ICA1: variants seen among roughly 807,000 people sequenced by gnomAD.
ICA1 encodes 69 kDa islet cell autoantigen.
In ICA1, 40 loss-of-function variants were observed where a neutral mutation model predicts 71.0. The observed-to-expected ratio is 0.56, with a 90% CI of 0.44 to 0.73. The LOEUF (loss-of-function observed/expected upper bound fraction) is 0.73, where lower values mean the gene tolerates loss of function less well. Ranked by LOEUF, ICA1 falls within the 30% of genes least tolerant of loss-of-function variation. The pLI, the probability that ICA1 is intolerant of heterozygous loss-of-function variation, is 0.00. For synonymous variants in ICA1, 207 were observed against 209.5 expected (o/e 0.99, Z 0.10); for missense variants, 578 against 576.5 (o/e 1.00, Z -0.03).
At chr7:8,122,283 C>T (rs1434195597) in intron 13 of ICA1, among the ~76,000 whole-genome samples, 1 of 152,202 alleles carries the variant, frequency 6.6e-6, no homozygotes, top group Non-Finnish European at 1.5e-5. Context: ...GAGGTGTGGA[C>T]AGTGAGGAGA....
intron 3 of ICA1, among the ~76,000 whole-genome samples, chr7:8,230,842 A>T (rs1800050800): frequency 6.6e-6 from 1 of 152,196 alleles, no homozygotes. Flanking sequence ...TTCCAATTGC[A>T]GAAGGAAAGG....
intron 13 of ICA1, among the ~76,000 whole-genome samples, chr7:8,119,428 C>T (rs1240811632): frequency 1.3e-5 from 2 of 152,340 alleles, no homozygotes; most frequent in Middle Eastern, 3.4e-3. Context: ...GACATGAACG[C>T]ATTCCTAAGA....
intron 6 of ICA1, among the ~76,000 whole-genome samples, chr7:8,197,672 C>A (rs755929934): frequency 6.6e-6 from 1 of 150,412 alleles, no homozygotes; most frequent in Non-Finnish European, 1.5e-5. Flanking sequence ...TCTATTCAAC[C>A]CTGAAAGCCC....
At chr7:8,153,463 T>A (rs1331262259) in intron 8 of ICA1, among the ~76,000 whole-genome samples, 1 of 152,074 alleles carries the variant, frequency 6.6e-6, no homozygotes, top group African/African-American at 2.4e-5. Context: ...ATATGTGAGA[T>A]TTTCCAGGGA....
intron 6 of ICA1, among the ~76,000 whole-genome samples, chr7:8,216,291 G>A (rs950140468): frequency 6.6e-6 from 1 of 152,154 alleles, no homozygotes; most frequent in Non-Finnish European, 1.5e-5. Flanking sequence ...TTCTGTCCTT[G>A]TGGAGAGTCT....
At chr7:8,224,938 G>C (rs935669848) in intron 4 of ICA1, among the ~76,000 whole-genome samples, 1 of 152,182 alleles carries the variant, frequency 6.6e-6, no homozygotes, top group African/African-American at 2.4e-5. Flanking sequence ...GTCTTTCTTA[G>C]TGCACAGCAT....
chr7:8,141,151 A>G (rs887850), intron 10 of ICA1, among the ~76,000 whole-genome samples: 109,962 of 152,126 alleles, frequency 0.72, 40,341 homozygotes, highest in East Asian at 1. Context: ...TGAAGGACCA[A>G]TGAAAACACT....
intron 13 of ICA1, among the ~76,000 whole-genome samples, chr7:8,117,647 A>T (rs1246889887): frequency 6.6e-6 from 1 of 152,198 alleles, no homozygotes; most frequent in Non-Finnish European, 1.5e-5. Flanking sequence ...AGGATGCATC[A>T]CTGTTGGGAT....
chr7:8,180,622 C>A (rs1375032101), intron 6 of ICA1, among the ~76,000 whole-genome samples: 1 of 152,104 alleles, frequency 6.6e-6, no homozygotes, highest in Non-Finnish European at 1.5e-5. Context: ...CATGATAGTT[C>A]CTGTTCCTTC....
At chr7:8,254,085 T>A (rs946037401) in intron 1 of ICA1, among the ~76,000 whole-genome samples, 8 of 152,154 alleles carry the variant, frequency 5.3e-5, no homozygotes, top group African/African-American at 1.9e-4. Context: ...AGGAGAGAAT[T>A]TACACATCAT....
At chr7:8,179,040 T>C (rs1781421093) in intron 6 of ICA1, among the ~76,000 whole-genome samples, 1 of 152,186 alleles carries the variant, frequency 6.6e-6, no homozygotes, top group Non-Finnish European at 1.5e-5. Context: ...GGCTTGTCCA[T>C]AAAACTCTTC....
intron 1 of ICA1, among the ~76,000 whole-genome samples, chr7:8,247,015 G>C (rs1387533397): frequency 6.6e-6 from 1 of 152,076 alleles, no homozygotes; most frequent in Non-Finnish European, 1.5e-5. Flanking sequence ...CAAAGTGCTG[G>C]GATTACAGGC....
At chr7:8,147,457 C>G (rs1174580178) in intron 8 of ICA1, among the ~76,000 whole-genome samples, 1 of 152,022 alleles carries the variant, frequency 6.6e-6, no homozygotes, top group Non-Finnish European at 1.5e-5. Flanking sequence ...CCTACTATTA[C>G]TATTATTCCT....
chr7:8,199,272 A>G (rs1788731128), intron 6 of ICA1, among the ~76,000 whole-genome samples: 1 of 152,120 alleles, frequency 6.6e-6, no homozygotes, highest in Non-Finnish European at 1.5e-5. Context: ...ACATATCTGC[A>G]CTCCTGTATT....
intron 4 of ICA1, chr7:8,227,510 A>G (rs993934854): frequency 1.5e-5 from 3 of 203,990 alleles, no homozygotes; most frequent in Admixed American, 5.9e-5. Flanking sequence ...GCCCTGGAGA[A>G]GTCTTACCTC....
chr7:8,262,288 G>T (rs1244388140), upstream of ICA1: 1 of 151,950 alleles, frequency 6.6e-6, no homozygotes, highest in African/African-American at 2.4e-5. Context: ...CAGCGCAGCG[G>T]CCGGGGGGTG....
rs530402413 is a variant in ICA1 at position 8,250,542 on chromosome 7, C to T, written c.-80+11552G>A. The stretch of plus-strand genomic sequence containing the variant: ...ACAGCTTGTCCTTTTGGATTTTTGA[C>T]GTGGACACGATTACCTGAGCATTCC... On this transcript the variant is annotated intron_variant, in intron 1 of 13. Transcript: ENST00000402384. 8.5e-5 allele frequency among the ~76,000 whole-genome samples: 13 copies of T among 152,188 alleles called. No homozygotes were observed. The East Asian group carries it at 2.3e-3, about 27-fold the overall frequency.
intron 13 of ICA1, among the ~76,000 whole-genome samples, chr7:8,121,408 A>G (rs1326218536): frequency 6.6e-6 from 1 of 152,224 alleles, no homozygotes; most frequent in Non-Finnish European, 1.5e-5. Context: ...CTAGAGCAAG[A>G]GACAGAAAAT....
At chr7:8,199,029 A>G (rs1788635878) in intron 6 of ICA1, among the ~76,000 whole-genome samples, 1 of 152,242 alleles carries the variant, frequency 6.6e-6, no homozygotes, top group African/African-American at 2.4e-5. Flanking sequence ...AATGCAAATC[A>G]AAATGACAAT....
Sources: allele counts gnomAD v4.1 joint callset (sites outside exome capture counted in the v4.1 genomes callset), GRCh38; gene constraint gnomAD v4.1.1; transcripts MANE v1.5; gene names NCBI Gene and HGNC (gene_info 2026-07-23, HGNC 2026-07-21).